SEPTIN4: variants seen among roughly 807,000 people sequenced by gnomAD.
SEPTIN4 encodes the protein septin 4.
SEPTIN4 carries 52 observed loss-of-function variants against 107.1 expected under a neutral mutation model. The observed-to-expected ratio is 0.49, with a 90% CI of 0.39 to 0.61. The LOEUF is 0.61. Among genes scored for constraint, SEPTIN4 ranks in the 20% least tolerant of loss-of-function variants. SEPTIN4 has a pLI of 0.00. For synonymous variants in SEPTIN4, 417 were observed against 467.0 expected, an observed-to-expected ratio of 0.89 and a Z score of 1.38; for missense variants, 1,048 against 1,243.5, an observed-to-expected ratio of 0.84 and a Z score of 2.36.
chr17:58,540,403 G>C (rs899684533), intron 3 of SEPTIN4, among the ~76,000 whole-genome samples: 1 of 152,352 alleles, frequency 6.6e-6, no homozygotes, highest in Middle Eastern at 3.4e-3. Context: ...ACTGCAACTA[G>C]CTCATACAGT....
chr17:58,520,926 T>C, intron 12 of SEPTIN4, 72 bp downstream of exon 12: 1 of 1,611,472 alleles, frequency 6.2e-7, no homozygotes, highest in Non-Finnish European at 8.5e-7. Flanking sequence ...AGAACAAAAG[T>C]AGGGCTTGGT....
intron 3 of SEPTIN4, chr17:58,529,198 C>T (rs201506842): frequency 3.8e-5 from 62 of 1,614,220 alleles, no homozygotes; most frequent in Non-Finnish European, 2.5e-5. Flanking sequence ...GACTCCCTGT[C>T]AGAAAGCTCT....
intron 3 of SEPTIN4, chr17:58,528,142 C>T: frequency 1.7e-6 from 1 of 605,628 alleles, no homozygotes; most frequent in Non-Finnish European, 2.1e-6. Context: ...TGAGGGTTAG[C>T]CAAGCCAGTG....
intron 13 of SEPTIN4, 105 bp from the exon 14 acceptor site, chr17:58,520,590 G>C: frequency 6.6e-7 from 1 of 1,522,620 alleles, no homozygotes; most frequent in Admixed American, 1.7e-5. Context: ...TGGTAGCCGT[G>C]AGGTGTGATG....
At chr17:58,525,864 G>A (rs2042801162) in intron 5 of SEPTIN4, 83 bp from the exon 6 acceptor site, 2 of 1,186,480 alleles carry the variant, frequency 1.7e-6, no homozygotes, top group South Asian at 1.3e-5. Context: ...AAGGTTTAGG[G>A]GGGACTGCTT....
Position 58,520,992 on chromosome 17 carries a change from T to G in SEPTIN4, c.2831+6A>C, listed in dbSNP as rs1598244542. ...CTGCCAGCTTTGTCCTGGCTTCTGG[T>G]CATACTTGCGATTCCGTTCCTTCAC... On this transcript the variant is annotated splice_donor_region_variant and intron_variant, in intron 12 of 13. Transcript: ENST00000672673. 3 of 1,613,876 alleles carry G rather than the reference T, an allele frequency of 1.9e-6. No homozygotes were observed. Among genetic ancestry groups the G allele is most frequent in the Non-Finnish European group, 2.5e-6 (3 of 1,179,976 alleles).
chr17:58,526,573 AACACAC>A (rs3034932), intron 4 of SEPTIN4, 103 bp downstream of exon 4: 1,290 of 1,301,792 alleles, frequency 9.9e-4, no homozygotes, highest in South Asian at 4.1e-3. Context: ...CACACACACA[AACACAC>A]ACACACACAC....
intron 3 of SEPTIN4, 200 bp from the exon 4 acceptor site, chr17:58,527,178 C>T (rs750336258): frequency 2.5e-5 from 24 of 958,372 alleles, no homozygotes; most frequent in Non-Finnish European, 3.9e-5. Flanking sequence ...CTCCCCAATC[C>T]AATATGCCAG....
intron 3 of SEPTIN4, among the ~76,000 whole-genome samples, chr17:58,537,367 T>G (rs2043748099): frequency 6.6e-6 from 1 of 152,172 alleles, no homozygotes; most frequent in Non-Finnish European, 1.5e-5. Flanking sequence ...CCTGATGAGT[T>G]GGTCAACTTA....
chr17:58,524,249 G>C (rs1217052841), intron 7 of SEPTIN4, among the ~76,000 whole-genome samples: 2 of 152,048 alleles, frequency 1.3e-5, no homozygotes, highest in Non-Finnish European at 2.9e-5. Flanking sequence ...GCTGGAGGGG[G>C]GTCCCTCCAG....
At position 58,525,715 on chromosome 17, in the gene SEPTIN4, C is replaced by G; in HGVS notation, c.2072G>C (p.Arg691Pro). 1 of 1,614,102 alleles carries G rather than the reference C, an allele frequency of 6.2e-7. No homozygotes were observed. Residue 691 changes from arginine (R) to proline (P), a missense_variant, in exon 6 of 14, where the codon CGG (arginine) becomes CCG (proline). This residue lies in a region of SEPTIN4 where 787 missense variants were observed against 871.8 expected (regional missense o/e 0.90). Coordinates refer to ENST00000672673, the MANE Select transcript of SEPTIN4 (RefSeq NM_001368771.2). Reference protein sequence around the residue: ...SLFLTDLYRDRKLLGAEERIM... With the variant: ...SLFLTDLYRDPKLLGAEERIM... ...CTTACCTTCAGCACCAAGAAGTTTC[C>G]GGTCCCGGTACAGATCAGTGAGGAA...
Position 58,526,902 on chromosome 17 carries a change from C to T in SEPTIN4, c.1691G>A (p.Ser564Asn). The T allele has an allele frequency of 6.2e-7, 1 of 1,614,130 alleles. No individual in the cohort carries two copies. The highest frequency in any genetic ancestry group is 8.5e-7 in the Non-Finnish European group (1 of 1,180,032). The stretch of plus-strand genomic sequence containing the variant: ...GGTCTTAGCCTCTGGTGGGTGGCAG[C>T]TCGCATTTCCTGAGAAATCCTTCAC... ...KFVKDFSGNA[S>N]CHPPEAKTWA... Residue 564 changes from serine (S) to asparagine (N), a missense_variant, in exon 4 of 14, where the codon AGC becomes AAC. By Grantham distance (46) the Ser-to-Asn change is conservative. This residue lies in a region of SEPTIN4 where 787 missense variants were observed against 871.8 expected (regional missense o/e 0.90). Coordinates refer to ENST00000672673, the MANE Select transcript of SEPTIN4 (RefSeq NM_001368771.2).
At chr17:58,532,651 G>T (rs927567377) in intron 3 of SEPTIN4, among the ~76,000 whole-genome samples, 3 of 152,198 alleles carry the variant, frequency 2.0e-5, no homozygotes, top group African/African-American at 7.2e-5. Flanking sequence ...ATCATCTGCT[G>T]GAAGGATAGA....
chr17:58,542,077 C>T, intron 1 of SEPTIN4, 111 bp from the exon 2 acceptor site: 1 of 1,301,356 alleles, frequency 7.7e-7, no homozygotes, highest in Non-Finnish European at 1.1e-6. Flanking sequence ...TCAAAGGTGC[C>T]CTCAGCCCTT....
chr17:58,526,391 T>C, intron 4 of SEPTIN4, 78 bp from the exon 5 acceptor site: 1 of 1,401,460 alleles, frequency 7.1e-7, no homozygotes, highest in Non-Finnish European at 9.3e-7. Context: ...CTTCTCTCCC[T>C]TTCAGGCCTT....
chr17:58,526,793 C>T lies in SEPTIN4; in HGVS notation c.1800G>A (p.Ser600=), dbSNP rs774598820. The change falls in exon 4 of 14, where the codon TCG becomes TCA. Residue 600 remains serine (S), a synonymous_variant. Transcript: ENST00000672673. ...GCTGGTTGTCAGAGGACTGGGGCCG[C>T]GAGGGGGGTCTGAACTCCAGGTCAT... ...YDDDLEFRPP[S]RPQSSDNQQY... 14 of 1,613,382 alleles carry T rather than the reference C, an allele frequency of 8.7e-6. No homozygotes were observed. The highest frequency in any genetic ancestry group is 1.3e-5 in the African/African-American group (1 of 74,814).
intron 3 of SEPTIN4, chr17:58,539,060 C>G: frequency 8.1e-7 from 1 of 1,241,942 alleles, no homozygotes; most frequent in Non-Finnish European, 1.1e-6. Context: ...CGGGGAGAGC[C>G]TAGCTCTCTC....
chr17:58,521,584 A>G lies in SEPTIN4; in HGVS notation c.2532T>C (p.Asp844=), dbSNP rs1238500817. The G allele has an allele frequency of 6.2e-7, 1 of 1,614,246 alleles. No homozygotes were observed. The highest frequency in any genetic ancestry group is 8.5e-7 in the Non-Finnish European group (1 of 1,180,042). The change falls in exon 10 of 14, where the codon GAT becomes GAC. Residue 844 remains aspartate (D), a synonymous_variant. Transcript: ENST00000672673. The surrounding 1 kb of genome is among the most constrained non-coding windows in gnomAD (Gnocchi z 6.4). ...KIYQFPDCDS[D]EDEDFKLQDQ... is the part of the protein sequence containing the mutation. ...CCTGCAATTTGAAGTCCTCATCCTC[A>G]TCAGAGTCACAGTCTGGGAATTGAT...
At chr17:58,535,517 A>G (rs188878980) in intron 3 of SEPTIN4, among the ~76,000 whole-genome samples, 1 of 152,314 alleles carries the variant, frequency 6.6e-6, no homozygotes, top group Admixed American at 6.5e-5. Context: ...ACTGATTCTA[A>G]CAACTGCCCT....
Sources: gnomAD v4.1 joint callset for allele counts (sites outside exome capture counted in the v4.1 genomes callset) on GRCh38, gnomAD v4.1.1 for gene constraint, gnomAD v4.1.1 regional missense constraint, Gnocchi (gnomAD v3.1) non-coding constraint, MANE v1.5 for transcripts, NCBI Gene and HGNC (gene_info 2026-07-23, HGNC 2026-07-21) for gene names.